The following MUC4 variants were observed in gnomAD, a reference collection of about 807,000 sequenced individuals.
The protein encoded by MUC4 is mucin 4, cell surface associated.
In MUC4, 202 loss-of-function variants were observed where a neutral mutation model predicts 257.9. That is an observed-to-expected ratio of 0.78 (90% CI 0.70 to 0.88). The LOEUF (loss-of-function observed/expected upper bound fraction) is 0.88. Among genes scored for constraint, MUC4 ranks in the 40% least tolerant of loss-of-function variants. MUC4 has a pLI of 0.00. For synonymous variants in MUC4, 2,351 were observed against 2,757.1 expected (o/e 0.85, Z 4.62); for missense variants, 5,976 against 6,513.7 (o/e 0.92, Z 2.84).
In MUC4 at chr3:195,761,037, G is replaced by A. The variant is rs751120925; in HGVS notation, c.14695C>T (p.Leu4899=). 6.2e-7 allele frequency: 1 copy of A among 1,614,072 alleles called. No individual in the cohort carries two copies. Among genetic ancestry groups the A allele is most frequent in the South Asian group, 1.1e-5 (1 of 91,094 alleles). ...TCAGCCCAGGAGCTGTTTTTTTGCA[G>A]TTGTGAGTAGAAAACAGGGGTGAAG... The part of the protein sequence containing the change: ...SNFTPVFYSQ[L]QKNSSWAEHL... Residue 4899 remains leucine, a synonymous_variant, in exon 16 of 25, where the codon CTG becomes TTG. Transcript: ENST00000463781.
At position 195,789,304 on chromosome 3, in the gene MUC4, G is replaced by A; in HGVS notation, c.2276C>T (p.Ser759Phe). ...GGPEGQWTSA[S>F]ASTSPDTAAA... ...TGCTGTGTCAGGTGAGGTGCTGGCA[G>A]AGGCTGATGTCCATTGTCCTTCTGG... Residue 759 changes from serine (S) to phenylalanine (F), a missense_variant, in exon 2 of 25, where the codon TCT (serine) becomes TTT (phenylalanine). Physicochemically the swap from Ser to Phe is radical, Grantham distance 155 (BLOSUM62 -2). Around this residue, in one of 44 missense-constraint regions of MUC4, gnomAD observed 1,583 missense variants for 1,257.4 expected, o/e 1.26. Transcript: ENST00000463781. The A allele has an allele frequency of 6.2e-7, 1 of 1,613,966 alleles. No individual in the cohort carries two copies. Among genetic ancestry groups the A allele is most frequent in the Admixed American group, 1.7e-5 (1 of 60,022 alleles).
rs369959021 is a variant in MUC4 at position 195,764,046 on chromosome 3, G to A, written c.14043C>T (p.Pro4681=). 9.7e-5 allele frequency: 156 copies of A among 1,609,028 alleles called. No individual in the cohort carries two copies. The highest frequency in any genetic ancestry group is 1.7e-4 in the Admixed American group (10 of 59,704). Residue 4681 remains proline, a splice_region_variant and synonymous_variant, in exon 11 of 25, where the codon CCC becomes CCT. Transcript: ENST00000463781. ...VGCATYRPPQ[P]AWMFGDPHIT... ...CTGGGCCTGGGCCCTGTCGCTCACC[G>A]GGCTGTGGGGGCCTGTATGTAGCAC...
At position 195,811,831 on chromosome 3, in the gene MUC4, G is replaced by A. The variant is rs1736789018; in HGVS notation, c.-14C>T. ...TGCCCCCTTCATGGCTGCGGCAAAAGTCCCCCTGGCTCCCTGGGGAAGCTC... is the reference window on the plus strand; with the variant it reads ...TGCCCCCTTCATGGCTGCGGCAAAAATCCCCCTGGCTCCCTGGGGAAGCTC... On this transcript the variant is annotated 5_prime_UTR_variant, in exon 1 of 25. Transcript: ENST00000463781. 1.9e-6 allele frequency: 3 copies of A among 1,612,964 alleles called. No homozygotes were observed. The highest frequency in any genetic ancestry group is 3.3e-5 in the Admixed American group (2 of 59,980).
chr3:195,763,000 A>G, intron 12 of MUC4, 55 bp from the exon 13 acceptor site: 2 of 1,397,234 alleles, frequency 1.4e-6, no homozygotes, highest in East Asian at 5.0e-5. Flanking sequence ...GCCGACGCCC[A>G]GGAAAGCAGC....
chr3:195,747,156 C>G lies in MUC4; in HGVS notation c.*20G>C, dbSNP rs764247629. 6.2e-7 allele frequency: 1 copy of G among 1,614,148 alleles called. No individual in the cohort carries two copies. Among genetic ancestry groups the G allele is most frequent in the South Asian group, 1.1e-5 (1 of 91,082 alleles). On this transcript the variant is annotated 3_prime_UTR_variant, in exon 25 of 25. Transcript: ENST00000463781. Reference sequence around the variant, plus strand: ...AAGGATGAGGTGAGTCTTGAGGTAGCCTAGGCCACAGCTGCCCCTTCAAGG... The same window carrying G: ...AAGGATGAGGTGAGTCTTGAGGTAGGCTAGGCCACAGCTGCCCCTTCAAGG...
intron 20 of MUC4, 28 bp downstream of exon 20, chr3:195,753,023 G>A (rs1431161644): frequency 6.3e-7 from 1 of 1,598,482 alleles, no homozygotes; most frequent in African/African-American, 1.3e-5. Flanking sequence ...AGAGTGCGGG[G>A]GTGAGAGGGC....
chr3:195,754,050 A>C, intron 19 of MUC4, 163 bp downstream of exon 19: 1 of 956,918 alleles, frequency 1.0e-6, no homozygotes. Flanking sequence ...ATACCTGCCT[A>C]GATGATTTCC....
chr3:195,762,341 C>T, intron 13 of MUC4, 87 bp from the exon 14 acceptor site: 2 of 1,382,336 alleles, frequency 1.4e-6, no homozygotes, highest in Non-Finnish European at 1.9e-6. Context: ...CGCACCACCC[C>T]CACCCCGCCC....
chr3:195,798,112 T>C (rs1734787080), intron 1 of MUC4, among the ~76,000 whole-genome samples: 3 of 152,122 alleles, frequency 2.0e-5, no homozygotes, highest in Non-Finnish European at 4.4e-5. Context: ...AGGGAGACTC[T>C]GTCTCAAAAA....
chr3:195,774,698 G>T, intron 3 of MUC4, among the ~76,000 whole-genome samples: 1 of 151,796 alleles, frequency 6.6e-6, no homozygotes. Flanking sequence ...TCAGGAGTTC[G>T]AGACCAGCCT....
chr3:195,759,118 T>A lies in MUC4; in HGVS notation c.14986+6A>T, dbSNP rs747814392. On this transcript the variant is annotated splice_donor_region_variant and intron_variant, in intron 17 of 24. Transcript: ENST00000463781. ...CCACTCTCCCCAGCCAGCCAAATAG[T>A]CCTACCAAAGAGCTCCAAGTCGGTG... 3 of 1,613,752 alleles carry A rather than the reference T, an allele frequency of 1.9e-6. No homozygotes were observed. In the East Asian group the frequency reaches 6.7e-5, roughly 36 times the overall value.
rs976612614 is a variant in MUC4, at chr3:195,755,481, A to G, written c.15169-1109T>C. Among the ~76,000 whole-genome samples the G allele has an allele frequency of 2.0e-5, 3 of 152,230 alleles. No homozygotes were observed. The highest frequency in any genetic ancestry group is 2.1e-4 in the South Asian group (1 of 4,820). On this transcript the variant is annotated intron_variant, in intron 18 of 24. Coordinates refer to ENST00000463781, the MANE Select transcript of MUC4 (RefSeq NM_018406.7). This position sits in a 1 kb window ranked among gnomAD's most constrained non-coding sequence, Gnocchi z 5.0. The stretch of plus-strand genomic sequence containing the variant: ...ATGTGGCCTGCAAACTGGATTTCAT[A>G]TAAGCTGAAATTGACCTCCCTTGCT...
Position 195,751,041 on chromosome 3 carries a change from G to A in MUC4, c.15719C>T (p.Pro5240Leu), listed in dbSNP as rs1359450920. 4 of 1,613,964 alleles carry A rather than the reference G, an allele frequency of 2.5e-6. No individual in the cohort carries two copies. The highest frequency in any genetic ancestry group is 3.4e-6 in the Non-Finnish European group (4 of 1,179,992). ...WMVISEFQYR[P>L]RGPVIDFLNN... is the part of the protein sequence containing the mutation. ...CAGGAAGTCAATGACCGGGCCCCGA[G>A]GGCGGTACTGGAACTCCGAGATGAC... Residue 5240 changes from proline (P) to leucine (L), a missense_variant, in exon 23 of 25, where the codon CCT becomes CTT. Pro to Leu is a moderately conservative substitution (Grantham distance 98, BLOSUM62 -3). Coordinates refer to ENST00000463781, the MANE Select transcript of MUC4 (RefSeq NM_018406.7).
rs369498102 is a variant in MUC4, at chr3:195,764,952, C to G, written c.13924+45G>C. The G allele has an allele frequency of 1.6e-5, 26 of 1,601,730 alleles. No individual in the cohort carries two copies. In the East Asian group the frequency reaches 5.8e-4, roughly 36 times the overall value. ...ACGAGAGGCTTCATGCTGAGGGTCC[C>G]CTACTTGGCCGGGAAGGTGGGGTTG... is the stretch of plus-strand genomic sequence containing the variant. On this transcript the variant is annotated intron_variant, in intron 10 of 24. Transcript: ENST00000463781.
rs1264344837 is a variant in MUC4, at chr3:195,811,785, C to T, written c.33G>A (p.Trp11Ter). 6.2e-7 allele frequency: 1 copy of T among 1,614,008 alleles called. No individual in the cohort carries two copies. Among genetic ancestry groups the T allele is most frequent in the Non-Finnish European group, 8.5e-7 (1 of 1,179,984 alleles). ...AGAGACACAGGCAGCTCAGGGACACCCAGGGGACCCTCCTCCAGCGTGCCC... is the reference window on the plus strand; with the variant it reads ...AGAGACACAGGCAGCTCAGGGACACTCAGGGGACCCTCCTCCAGCGTGCCC... MKGARWRRVP[W>*]VSLSCLCLCL... Residue 11 changes from tryptophan (W) to a stop codon, truncating the protein, a stop_gained, in exon 1 of 25, where the codon TGG becomes TGA. Coordinates refer to ENST00000463781, the MANE Select transcript of MUC4 (RefSeq NM_018406.7). LOFTEE classifies it high-confidence loss of function.
rs201820599 is a variant in MUC4, at chr3:195,783,580, G to A, written c.8000C>T (p.Thr2667Ile). Residue 2667 changes from threonine (T) to isoleucine (I), a missense_variant, in exon 2 of 25, where the codon ACA (threonine) becomes ATA (isoleucine). Thr to Ile is a moderately conservative substitution (Grantham distance 89). Coordinates refer to ENST00000463781, the MANE Select transcript of MUC4 (RefSeq NM_018406.7). ...GACAGGAAGAGGCGTGGTGTCACCT[G>A]TGGATACTGAGGAAAGGCTGGTGAC... ...LPVTSLSSVS[T>I]GDTTPLPVTS... 3.1e-6 allele frequency: 1 copy of A among 326,546 alleles called. No homozygotes were observed. The highest frequency in any genetic ancestry group is 5.3e-6 in the Non-Finnish European group (1 of 188,086). 20.2% of individuals were successfully genotyped at this position (326,546 alleles called of 1,614,324 possible).
At chr3:195,752,075 A>G (rs1030043050) in intron 21 of MUC4, 1 of 404,036 alleles carries the variant, frequency 2.5e-6, no homozygotes, top group African/African-American at 2.0e-5. Flanking sequence ...GAAGTCAGGG[A>G]AGACTCCCGG....
At chr3:195,762,687 G>A (rs1719414644) in intron 13 of MUC4, among the ~76,000 whole-genome samples, 168 bp downstream of exon 13, 1 of 144,408 alleles carries the variant, frequency 6.9e-6, no homozygotes, top group East Asian at 2.0e-4. Flanking sequence ...AACGCACCCG[G>A]CCCTGCACCG....
chr3:195,786,944 A>G lies in MUC4; in HGVS notation c.4636T>C (p.Ser1546Pro), dbSNP rs777298424. 1.2e-4 allele frequency: 114 copies of G among 914,504 alleles called. 1 individual carries two copies. In the Middle Eastern group the frequency reaches 2.0e-3, roughly 16 times the overall value. The allele number at this position is 914,504 out of a possible 1,614,324, so 56.6% of individuals were successfully genotyped here. Residue 1546 changes from serine (S) to proline (P), a missense_variant, in exon 2 of 25, where the codon TCC (serine) becomes CCC (proline). This residue lies in a region of MUC4 where 63 missense variants were observed against 68.8 expected (regional missense o/e 0.92). Transcript: ENST00000463781. The part of the protein sequence containing the change: ...PLPVTSPSSA[S>P]TGDTTPLPVT... The stretch of plus-strand genomic sequence containing the variant: ...GGAAGAGGGGTGGTGTCACCTGTGG[A>G]TGCTGAGGAAGGGCTAGTGACAGGA...
Sources: gnomAD v4.1 joint callset for allele counts (sites outside exome capture counted in the v4.1 genomes callset) on GRCh38, gnomAD v4.1.1 for gene constraint, gnomAD v4.1.1 regional missense constraint, Gnocchi (gnomAD v3.1) non-coding constraint, MANE v1.5 for transcripts, NCBI Gene and HGNC (gene_info 2026-07-23, HGNC 2026-07-21) for gene names.